NEK10: variants seen among roughly 807,000 people sequenced by gnomAD.
NEK10 encodes NIMA related kinase 10, also known as serine/threonine-protein kinase Nek10.
NEK10 carries 122 observed loss-of-function variants against 159.8 expected under a neutral mutation model. That is an observed-to-expected ratio of 0.76 (90% CI 0.66 to 0.89). The LOEUF is 0.89. Ranked by LOEUF, NEK10 falls within the 40% of genes least tolerant of loss-of-function variation. The pLI is 0.00. For missense variants in NEK10, 1,342 were observed against 1,323.1 expected (o/e 1.01, Z -0.22); for synonymous variants, 466 against 457.1 (o/e 1.02, Z -0.25).
At chr3:27,184,175 A>T (rs561990237) in intron 26 of NEK10, among the ~76,000 whole-genome samples, 2 of 152,318 alleles carry the variant, frequency 1.3e-5, no homozygotes, top group African/African-American at 4.8e-5. Flanking sequence ...ATCTGGAGAA[A>T]ACGTAAGTGT....
At position 27,172,163 on chromosome 3, in the gene NEK10, G is replaced by A. The variant is rs147408651; in HGVS notation, c.2777-290C>T. ...ACCTTCCTGGCCAACATGAAACCCC[G>A]TCCCTACTAAAAAGTACAAAAATTA... On this transcript the variant is annotated intron_variant, in intron 28 of 35. Transcript: ENST00000691995. 3.4e-3 allele frequency among the ~76,000 whole-genome samples: 519 copies of A among 151,354 alleles called. 6 individuals are homozygous for A. The highest frequency in any genetic ancestry group is 0.011 in the African/African-American group (445 of 41,268).
chr3:27,111,918 T>A (rs1407619995), intron 35 of NEK10, among the ~76,000 whole-genome samples: 3 of 152,194 alleles, frequency 2.0e-5, no homozygotes, highest in African/African-American at 7.2e-5. Flanking sequence ...ACCATGCAAA[T>A]GATCAAAAAT....
chr3:27,289,458 G>A (rs1362353461), intron 19 of NEK10, among the ~76,000 whole-genome samples: 1 of 152,196 alleles, frequency 6.6e-6, no homozygotes, highest in Non-Finnish European at 1.5e-5. Context: ...CAAAGCCCAA[G>A]CATATGCTTC....
At chr3:27,207,843 C>G (rs1414013134) in intron 23 of NEK10, among the ~76,000 whole-genome samples, 1 of 152,086 alleles carries the variant, frequency 6.6e-6, no homozygotes, top group Non-Finnish European at 1.5e-5. Context: ...TTTGTGCACT[C>G]AAGGAGGCAA....
In NEK10 at chr3:27,290,876, A is replaced by G. The variant is rs2042950617; in HGVS notation, c.1606-122T>C. 7 of 735,772 alleles carry G rather than the reference A, an allele frequency of 9.5e-6. No homozygotes were observed. In the East Asian group the frequency reaches 1.8e-4, roughly 19 times the overall value. 45.6% of individuals were successfully genotyped at this position (735,772 alleles called of 1,614,324 possible). A position where few individuals can be genotyped will look rare whatever the true frequency, so the allele number is the denominator to read the frequency against. ...AGTAACTAAGTCATATAAATAAGTC[A>G]CAGAGCATTTAAAGTTCCAGCTGTA... On this transcript the variant is annotated intron_variant, in intron 18 of 35. Coordinates refer to ENST00000691995, the MANE Select transcript of NEK10 (RefSeq NM_001394966.1).
At chr3:27,111,365 T>C in intron 35 of NEK10, 45 bp from the exon 36 acceptor site, 2 of 1,450,116 alleles carry the variant, frequency 1.4e-6, no homozygotes, top group South Asian at 1.3e-5. Flanking sequence ...GTTACAAATA[T>C]TTTAGTTCAT....
intron 23 of NEK10, among the ~76,000 whole-genome samples, chr3:27,209,847 C>A (rs1950850683): frequency 6.6e-6 from 1 of 150,794 alleles, no homozygotes; most frequent in African/African-American, 2.4e-5. Flanking sequence ...AAAGGAACTG[C>A]AAACCACAGA....
chr3:27,352,732 C>T, intron 2 of NEK10, 80 bp downstream of exon 2: 1 of 995,324 alleles, frequency 1.0e-6, no homozygotes. Flanking sequence ...AGAGTCTTCT[C>T]TATTTCTCAA....
intron 5 of NEK10, among the ~76,000 whole-genome samples, chr3:27,330,097 T>C (rs1366836981): frequency 6.6e-6 from 1 of 152,156 alleles, no homozygotes; most frequent in Non-Finnish European, 1.5e-5. Flanking sequence ...TAATCTGCAG[T>C]TGGTTGAATC....
At chr3:27,158,652 C>G (rs1203648721) in intron 30 of NEK10, among the ~76,000 whole-genome samples, 1 of 152,146 alleles carries the variant, frequency 6.6e-6, no homozygotes, top group African/African-American at 2.4e-5. Flanking sequence ...GGTTCAGCGC[C>G]TGGGTGTCAG....
chr3:27,151,215 A>G (rs1944836262), intron 30 of NEK10, among the ~76,000 whole-genome samples: 2 of 152,182 alleles, frequency 1.3e-5, no homozygotes, highest in African/African-American at 4.8e-5. Context: ...AAAACAGAGC[A>G]TTAAACCACC....
chr3:27,120,516 G>A (rs1941151363), intron 32 of NEK10, among the ~76,000 whole-genome samples: 1 of 150,778 alleles, frequency 6.6e-6, no homozygotes, highest in East Asian at 1.9e-4. Context: ...TTTTAGTAGA[G>A]ATGGGGTTTC....
intron 23 of NEK10, among the ~76,000 whole-genome samples, chr3:27,205,191 C>T (rs1431855257): frequency 6.6e-6 from 1 of 151,766 alleles, no homozygotes; most frequent in African/African-American, 2.4e-5. Context: ...CAAACCACTG[C>T]TCAAGGAAAT....
intron 5 of NEK10, among the ~76,000 whole-genome samples, chr3:27,337,386 C>A (rs1158120796): frequency 6.6e-6 from 1 of 151,788 alleles, no homozygotes; most frequent in Non-Finnish European, 1.5e-5. Context: ...ACCATACTAC[C>A]CAAAGTAATA....
chr3:27,295,093 C>T (rs551168704), intron 15 of NEK10, among the ~76,000 whole-genome samples: 1 of 152,148 alleles, frequency 6.6e-6, no homozygotes, highest in Non-Finnish European at 1.5e-5. Context: ...AGCACTGGCC[C>T]CCACAACCAC....
chr3:27,113,668 A>T (rs2037468), intron 35 of NEK10, among the ~76,000 whole-genome samples: 2 of 152,196 alleles, frequency 1.3e-5, no homozygotes, highest in Admixed American at 1.3e-4. Context: ...TGTTTATCAT[A>T]ATAAGAAAAT....
In NEK10 at chr3:27,287,779, G is replaced by A. The variant is rs369257180; in HGVS notation, c.1744-36C>T. On this transcript the variant is annotated intron_variant, in intron 19 of 35. Coordinates refer to ENST00000691995, the MANE Select transcript of NEK10 (RefSeq NM_001394966.1). The stretch of plus-strand genomic sequence containing the variant: ...ATAAATAACAAACATGTATTGCACT[G>A]CTTCAAAATACAAGTTTTTTCACTG... The A allele has an allele frequency of 5.0e-5, 74 of 1,487,908 alleles. No individual in the cohort carries two copies. The African/African-American group carries it at 9.4e-4, about 19-fold the overall frequency. The allele number at this position is 1,487,908 out of a possible 1,614,324, so 92.2% of individuals were successfully genotyped here.
chr3:27,261,435 T>A (rs1457332166), intron 22 of NEK10, among the ~76,000 whole-genome samples: 1 of 152,208 alleles, frequency 6.6e-6, no homozygotes, highest in Non-Finnish European at 1.5e-5. Flanking sequence ...TTTGTTCTCA[T>A]TGGTTTCAAA....
intron 23 of NEK10, chr3:27,215,571 G>T: frequency 2.1e-6 from 1 of 475,498 alleles, no homozygotes; most frequent in Middle Eastern, 5.4e-4. Flanking sequence ...GATGTTGGCA[G>T]TTTAAATGAG....
Sources: allele counts gnomAD v4.1 joint callset (sites outside exome capture counted in the v4.1 genomes callset), GRCh38; gene constraint gnomAD v4.1.1; transcripts MANE v1.5; gene names NCBI Gene and HGNC (gene_info 2026-07-23, HGNC 2026-07-21).